Variants in SACM1L observed in about 807,000 individuals in gnomAD.
SACM1L encodes the protein phosphatidylinositol-3-phosphatase SAC1.
A neutral mutation model predicts 89.5 loss-of-function variants in SACM1L; 32 were observed. That is an observed-to-expected ratio of 0.36 (90% CI 0.27 to 0.48). The LOEUF (loss-of-function observed/expected upper bound fraction) is 0.48. Among genes scored for constraint, SACM1L ranks in the 20% least tolerant of loss-of-function variants. The pLI, the probability that SACM1L is intolerant of heterozygous loss-of-function variation, is 0.99. For missense variants in SACM1L, 543 were observed against 708.5 expected, an observed-to-expected ratio of 0.77 and a Z score of 2.65; for synonymous variants, 213 against 232.8, an observed-to-expected ratio of 0.92 and a Z score of 0.77.
At chr3:45,732,573 C>T (rs945100091) in intron 13 of SACM1L, among the ~76,000 whole-genome samples, 1 of 152,124 alleles carries the variant, frequency 6.6e-6, no homozygotes, top group Non-Finnish European at 1.5e-5. Context: ...AAGTGCTTTT[C>T]TTCACCCTGA....
chr3:45,717,927 CA>C (rs1287753850), intron 7 of SACM1L, among the ~76,000 whole-genome samples: 3 of 152,150 alleles, frequency 2.0e-5, no homozygotes, highest in Non-Finnish European at 4.4e-5. Context: ...CAAATAAATA[CA>C]TAAATAATTT....
At chr3:45,743,383 A>G in intron 19 of SACM1L, 150 bp from the exon 20 acceptor site, 1 of 741,312 alleles carries the variant, frequency 1.3e-6, no homozygotes, top group Non-Finnish European at 2.1e-6. Flanking sequence ...TTTGAGAACC[A>G]CTGGTTTAAA....
intron 1 of SACM1L, among the ~76,000 whole-genome samples, chr3:45,699,062 C>T (rs971056284): frequency 8.5e-5 from 13 of 152,142 alleles, no homozygotes; most frequent in African/African-American, 2.9e-4. Flanking sequence ...TGAGCCTCTG[C>T]GCCTGGCCTG....
chr3:45,704,918 A>T (rs576748730), intron 2 of SACM1L, among the ~76,000 whole-genome samples: 1 of 152,222 alleles, frequency 6.6e-6, no homozygotes, highest in Non-Finnish European at 1.5e-5. Flanking sequence ...AACCTAACAT[A>T]CATTCTAGGA....
intron 1 of SACM1L, among the ~76,000 whole-genome samples, chr3:45,701,680 A>G (rs1312922230): frequency 1.3e-5 from 2 of 152,198 alleles, no homozygotes; most frequent in Non-Finnish European, 2.9e-5. Context: ...ATAAATTTTG[A>G]CATTTTTACA....
Position 45,731,963 on chromosome 3 carries a change from T to C in SACM1L, c.1002-90T>C, listed in dbSNP as rs557306735. The C allele has an allele frequency of 1.2e-4, 93 of 766,436 alleles. 1 individual carries two copies. In the South Asian group the frequency reaches 1.5e-3, roughly 13 times the overall value. 47.5% of individuals were successfully genotyped at this position (766,436 alleles called of 1,614,324 possible). On this transcript the variant is annotated intron_variant, in intron 12 of 19. Transcript: ENST00000389061. ...CCCAAGAAATATGTATGCACTGATATAAAGAGGAAAATCAGCTTATGAAGG... is the reference window on the plus strand; with the variant it reads ...CCCAAGAAATATGTATGCACTGATACAAAGAGGAAAATCAGCTTATGAAGG...
chr3:45,706,458 T>A (rs1698396539), intron 3 of SACM1L, among the ~76,000 whole-genome samples: 1 of 152,240 alleles, frequency 6.6e-6, no homozygotes, highest in African/African-American at 2.4e-5. Context: ...GAGGTCTGTA[T>A]CCCTTGGGGG....
intron 11 of SACM1L, among the ~76,000 whole-genome samples, chr3:45,726,718 T>G (rs1158702311): frequency 1.3e-5 from 2 of 152,118 alleles, no homozygotes; most frequent in Admixed American, 6.5e-5. Flanking sequence ...TACTCTGATT[T>G]TTATTATTTC....
intron 11 of SACM1L, among the ~76,000 whole-genome samples, chr3:45,727,715 C>A (rs1698954485): frequency 6.6e-6 from 1 of 152,172 alleles, no homozygotes; most frequent in Non-Finnish European, 1.5e-5. Context: ...CCTGCCTCAG[C>A]CTCCCGAGTA....
Position 45,735,315 on chromosome 3 carries a change from A to G in SACM1L, c.1181A>G (p.Asp394Gly), listed in dbSNP as rs1699174793. Residue 394 changes from aspartate to glycine, a missense_variant, in exon 14 of 20, where the codon GAT becomes GGT. By Grantham distance (94) the Asp-to-Gly change is moderately conservative. Transcript: ENST00000389061. ...VFRSNCMDCL[D>G]RTNVIQSLLA... ...CGAAGCAATTGCATGGATTGTCTAG[A>G]TAGAACCAATGTGATCCAGAGTTTG... The G allele has an allele frequency of 6.2e-7, 1 of 1,610,890 alleles. No individual in the cohort carries two copies. The highest frequency in any genetic ancestry group is 8.5e-7 in the Non-Finnish European group (1 of 1,179,146).
At chr3:45,700,194 C>T (rs549887902) in intron 1 of SACM1L, among the ~76,000 whole-genome samples, 5 of 151,964 alleles carry the variant, frequency 3.3e-5, no homozygotes, top group East Asian at 1.9e-4. Context: ...TGGAGGAATT[C>T]GATTTCTGAG....
intron 1 of SACM1L, among the ~76,000 whole-genome samples, chr3:45,696,494 T>A (rs866573628): frequency 1.3e-5 from 2 of 152,168 alleles, no homozygotes; most frequent in Non-Finnish European, 2.9e-5. Flanking sequence ...GAAGTGGAAT[T>A]GTTGGGTCAT....
chr3:45,689,619 C>T, intron 1 of SACM1L, 122 bp downstream of exon 1: 2 of 1,226,162 alleles, frequency 1.6e-6, no homozygotes, highest in Admixed American at 2.0e-5. Flanking sequence ...CTCGCATTTA[C>T]CGGTTTTCCT....
intron 14 of SACM1L, chr3:45,737,326 C>A: frequency 2.1e-6 from 1 of 469,652 alleles, no homozygotes; most frequent in South Asian, 3.3e-5. Flanking sequence ...GACCCTCTCC[C>A]TGAGTATAGT....
intron 7 of SACM1L, among the ~76,000 whole-genome samples, chr3:45,714,959 C>T (rs903643036): frequency 6.6e-6 from 1 of 152,162 alleles, no homozygotes; most frequent in Non-Finnish European, 1.5e-5. Flanking sequence ...CATATTTCTA[C>T]TGTATCTTTT....
intron 19 of SACM1L, among the ~76,000 whole-genome samples, chr3:45,741,265 C>T (rs546941881): frequency 5.3e-5 from 8 of 152,210 alleles, no homozygotes; most frequent in Non-Finnish European, 1.0e-4. Flanking sequence ...GAAGTCTTCA[C>T]CTTCTGTCTG....
chr3:45,714,176 A>G (rs1698589281), intron 7 of SACM1L, 97 bp downstream of exon 7: 1 of 573,734 alleles, frequency 1.7e-6, no homozygotes, highest in African/African-American at 2.0e-5. Flanking sequence ...CTCCATAAGG[A>G]GAGTATTTCA....
chr3:45,719,064 T>C (rs1293133245), intron 7 of SACM1L, among the ~76,000 whole-genome samples: 1 of 152,200 alleles, frequency 6.6e-6, no homozygotes, highest in African/African-American at 2.4e-5. Flanking sequence ...TAATTTATAA[T>C]TATGTGTCAT....
intron 10 of SACM1L, 104 bp downstream of exon 10, chr3:45,723,059 C>A: frequency 1.1e-6 from 1 of 924,728 alleles, no homozygotes; most frequent in Non-Finnish European, 1.7e-6. Context: ...CAATGTTCAA[C>A]ATCTTTGAGG....
Sources: allele counts gnomAD v4.1 joint callset (sites outside exome capture counted in the v4.1 genomes callset), GRCh38; gene constraint gnomAD v4.1.1; transcripts MANE v1.5; gene names NCBI Gene and HGNC (gene_info 2026-07-23, HGNC 2026-07-21).